Variants in NBPF15 observed in about 807,000 individuals in gnomAD.
NBPF15 encodes the protein NBPF family member NBPF15.
NBPF15 carries 74 observed loss-of-function variants against 62.2 expected under a neutral mutation model. The ratio of observed to expected loss-of-function variants is 1.19; its 90% CI spans 0.99 to 1.44. The LOEUF (loss-of-function observed/expected upper bound fraction) is 1.44. Ranked by LOEUF, NBPF15 falls within the 40% of genes most tolerant of loss-of-function variation. The pLI is 0.00. For synonymous variants in NBPF15, 244 were observed against 209.7 expected, an observed-to-expected ratio of 1.16 and a Z score of -1.41; for missense variants, 790 against 550.0, an observed-to-expected ratio of 1.44 and a Z score of -4.36.
At chr1:144,449,649 C>A (rs1478724064) in intron 5 of NBPF15, among the ~76,000 whole-genome samples, 1 of 151,976 alleles carries the variant, frequency 6.6e-6, no homozygotes. Flanking sequence ...GAGGTAAAGA[C>A]CCACAGGACA....
intron 4 of NBPF15, among the ~76,000 whole-genome samples, chr1:144,455,119 G>A (rs1693610282): frequency 6.9e-6 from 1 of 145,734 alleles, no homozygotes; most frequent in Non-Finnish European, 1.5e-5. Flanking sequence ...AAGGAAGGGA[G>A]GGAGGAAGGG....
Position 144,460,026 on chromosome 1 carries a change from C to CTTT in NBPF15, c.-818-546_-818-544dup, listed in dbSNP as rs150839897. 8.8e-3 allele frequency among the ~76,000 whole-genome samples: 173 copies of CTTT among 19,570 alleles called. 72 individuals carry two copies. Among genetic ancestry groups the CTTT allele is most frequent in the East Asian group, 0.026 (15 of 572 alleles). The allele number at this position is 19,570 out of a possible 152,430, so 12.8% of individuals were successfully genotyped here. A position where few individuals can be genotyped will look rare whatever the true frequency, so the allele number is the denominator to read the frequency against. On this transcript the variant is annotated intron_variant, in intron 2 of 21. Coordinates refer to ENST00000581897, the MANE Select transcript of NBPF15 (RefSeq NM_001385408.1). ...ACTTGGTAAAAATTCATTACCTGTA[C>CTTT]TTTTTTTTTTTTTTTTTTTTTTTTT...
At position 144,425,522 on chromosome 1, in the gene NBPF15, G is replaced by A. The variant is rs1553539104; in HGVS notation, c.1485C>T (p.Cys495=). ...QEEEEDQGPP[C]PRLSRELLEV... is the part of the protein sequence containing the mutation. ...GTTCACAATTGCTCAGTTACCTGGG[G>A]CATGGTGGGCCTTGGTCTTCTTCCT... The change falls in exon 19 of 22, where the codon TGC becomes TGT. Residue 495 remains cysteine (C), a synonymous_variant. Coordinates refer to ENST00000581897, the MANE Select transcript of NBPF15 (RefSeq NM_001385408.1). The A allele has an allele frequency of 2.6e-5, 11 of 424,010 alleles. 1 individual carries two copies. Among genetic ancestry groups the A allele is most frequent in the South Asian group, 6.2e-5 (3 of 48,234 alleles). The allele number at this position is 424,010 out of a possible 1,614,324, so 26.3% of individuals were successfully genotyped here.
At chr1:144,438,346 G>A (rs1680209789) in intron 8 of NBPF15, among the ~76,000 whole-genome samples, 1 of 151,560 alleles carries the variant, frequency 6.6e-6, no homozygotes, top group South Asian at 2.1e-4. Context: ...CTGAATGCGG[G>A]GCCACTTTCC....
At chr1:144,424,165 T>A (rs1297164581) in intron 20 of NBPF15, among the ~76,000 whole-genome samples, 190 bp from the exon 21 acceptor site, 1 of 152,040 alleles carries the variant, frequency 6.6e-6, no homozygotes, top group Admixed American at 6.6e-5. Context: ...CCAGAAACTG[T>A]GGGTAAAGTG....
In NBPF15 at chr1:144,449,639, G is replaced by A. The variant is rs148830947; in HGVS notation, c.-332-723C>T. Among the ~76,000 whole-genome samples the A allele has an allele frequency of 1.6e-3, 247 of 152,136 alleles. 2 individuals carry two copies. The highest frequency in any genetic ancestry group is 5.5e-3 in the African/African-American group (228 of 41,524). ...CAAGAAATGCAGAGCAGAGAGCCCA[G>A]AGGTAAAGACCCACAGGACAGAGGG... On this transcript the variant is annotated intron_variant, in intron 5 of 21. Transcript: ENST00000581897.
intron 13 of NBPF15, among the ~76,000 whole-genome samples, chr1:144,431,729 A>T (rs1553540245): frequency 1.6e-5 from 2 of 126,922 alleles, no homozygotes; most frequent in Non-Finnish European, 3.3e-5. Context: ...ACCTGTGAGT[A>T]AGAACATGCG....
chr1:144,435,013 T>G (rs1377001612), intron 12 of NBPF15, 98 bp downstream of exon 12: 2 of 1,607,820 alleles, frequency 1.2e-6, no homozygotes, highest in Non-Finnish European at 1.7e-6. Context: ...CCATCACAGT[T>G]TTTTATTCAA....
intron 16 of NBPF15, 140 bp from the exon 17 acceptor site, chr1:144,427,238 C>A (rs1379933213): frequency 7.3e-5 from 49 of 668,316 alleles, no homozygotes; most frequent in East Asian, 5.2e-5. Flanking sequence ...CTTCAAGAGG[C>A]CTGAAGGCTG....
intron 4 of NBPF15, among the ~76,000 whole-genome samples, chr1:144,453,624 T>G (rs1319070485): frequency 8.4e-5 from 4 of 47,874 alleles, no homozygotes; most frequent in Non-Finnish European, 1.7e-4. Context: ...TTCTGAGAAC[T>G]AAACAACACA....
At chr1:144,445,854 T>C (rs1687127250) in intron 6 of NBPF15, among the ~76,000 whole-genome samples, 1 of 85,554 alleles carries the variant, frequency 1.2e-5, no homozygotes, top group African/African-American at 5.7e-5. Context: ...TTGACTTTCC[T>C]TTTTTTTTTT....
chr1:144,426,687 G>A (rs1357853913), intron 17 of NBPF15, among the ~76,000 whole-genome samples: 1 of 151,662 alleles, frequency 6.6e-6, no homozygotes, highest in Non-Finnish European at 1.5e-5. Context: ...TCAGCGAATT[G>A]GCCGGGTGAC....
At chr1:144,445,813 T>A (rs1262534418) in intron 6 of NBPF15, among the ~76,000 whole-genome samples, 8 of 150,558 alleles carry the variant, frequency 5.3e-5, no homozygotes, top group Admixed American at 2.0e-4. Context: ...TTTTTTGTAG[T>A]TTTTGGTGTA....
chr1:144,439,717 C>T, intron 8 of NBPF15, 112 bp downstream of exon 8: 2 of 746,854 alleles, frequency 2.7e-6, no homozygotes, highest in Non-Finnish European at 2.3e-6. Context: ...TTCTGTTTTC[C>T]TAGAAGTACA....
intron 8 of NBPF15, among the ~76,000 whole-genome samples, chr1:144,438,644 G>A (rs1680487157): frequency 6.6e-6 from 1 of 152,064 alleles, no homozygotes; most frequent in South Asian, 2.1e-4. Flanking sequence ...AGAAACAGCA[G>A]AATGAACAAC....
intron 14 of NBPF15, among the ~76,000 whole-genome samples, chr1:144,428,947 C>T (rs1186547585): frequency 1.3e-5 from 2 of 151,962 alleles, no homozygotes; most frequent in African/African-American, 4.8e-5. Flanking sequence ...AAATTGTAGG[C>T]AAATAGTTCT....
chr1:144,459,747 AAATGCAAAATG>A (rs1485798401), intron 2 of NBPF15, among the ~76,000 whole-genome samples: 5 of 151,850 alleles, frequency 3.3e-5, no homozygotes, highest in African/African-American at 1.2e-4. Flanking sequence ...AATACCAGGA[AAATGCAAAATG>A]AAATCACACT....
chr1:144,443,097 A>T (rs1684766565), intron 6 of NBPF15: 1 of 156,430 alleles, frequency 6.4e-6, no homozygotes, highest in South Asian at 2.0e-4. Flanking sequence ...AGGGGTCATT[A>T]CCCCACACAC....
chr1:144,426,473 A>T, intron 17 of NBPF15, 23 bp from the exon 18 acceptor site: 1 of 819,938 alleles, frequency 1.2e-6, no homozygotes, highest in Non-Finnish European at 2.2e-6. Flanking sequence ...GAAAAAGTAA[A>T]GAATAAGCCA....
Sources: gnomAD v4.1 joint callset for allele counts (sites outside exome capture counted in the v4.1 genomes callset) on GRCh38, gnomAD v4.1.1 for gene constraint, MANE v1.5 for transcripts, NCBI Gene and HGNC (gene_info 2026-07-23, HGNC 2026-07-21) for gene names.